The following SNX24 variants were observed in gnomAD, a reference collection of about 807,000 sequenced individuals.
The protein encoded by SNX24 is sorting nexin 24, also known as sorting nexin-24.
A neutral mutation model predicts 28.7 loss-of-function variants in SNX24; 22 were observed. The ratio of observed to expected loss-of-function variants is 0.77; its 90% CI spans 0.55 to 1.10. The LOEUF (loss-of-function observed/expected upper bound fraction) is 1.10, where lower values mean the gene tolerates loss of function less well. SNX24 is among the 50% of genes least tolerant of loss of function. SNX24 has a pLI of 0.00. For synonymous variants in SNX24, 69 were observed against 71.5 expected (o/e 0.96, Z 0.18); for missense variants, 221 against 201.1 (o/e 1.10, Z -0.60).
At chr5:123,023,951 A>G (rs1267172495) in intron 5 of SNX24, 1 of 1,614,124 alleles carries the variant, frequency 6.2e-7, no homozygotes, top group South Asian at 1.1e-5. Flanking sequence ...GCAGTTGGTG[A>G]GTGGACGGTC....
At chr5:122,977,546 G>A (rs1227193877) in intron 3 of SNX24, among the ~76,000 whole-genome samples, 8 of 152,188 alleles carry the variant, frequency 5.3e-5, no homozygotes, top group Admixed American at 5.2e-4. Flanking sequence ...AATCTAATAA[G>A]AGGCAAACAA....
At chr5:122,864,939 T>C (rs1209009766) in intron 1 of SNX24, among the ~76,000 whole-genome samples, 2 of 152,240 alleles carry the variant, frequency 1.3e-5, no homozygotes, top group Non-Finnish European at 2.9e-5. Flanking sequence ...AACTGTAGAC[T>C]AAGTTCCTCC....
At chr5:122,971,271 C>T (rs1309432527) in intron 3 of SNX24, among the ~76,000 whole-genome samples, 2 of 152,210 alleles carry the variant, frequency 1.3e-5, no homozygotes, top group African/African-American at 2.4e-5. Flanking sequence ...CTTCTGCCTG[C>T]TTTATCTTGG....
intron 1 of SNX24, among the ~76,000 whole-genome samples, chr5:122,897,390 A>T (rs548420683): frequency 3.9e-5 from 6 of 152,172 alleles, no homozygotes; most frequent in South Asian, 4.2e-4. Flanking sequence ...CTACCTTACT[A>T]CCTTATATGA....
rs1456375529 is a variant in SNX24, at chr5:122,911,946, G to A, written c.61-24788G>A. 7.6e-3 allele frequency among the ~76,000 whole-genome samples: 1,118 copies of A among 146,790 alleles called. 9 individuals are homozygous for A. The highest frequency in any genetic ancestry group is 0.027 in the African/African-American group (1,059 of 39,272). On this transcript the variant is annotated intron_variant, in intron 1 of 6. Coordinates refer to ENST00000261369, the MANE Select transcript of SNX24 (RefSeq NM_014035.4). ...TCTTTTGGCTTAGGATTGACTTGGCGATGCGGGCTCTTTTTTGGTTCCATA... is the reference window on the plus strand; with the variant it reads ...TCTTTTGGCTTAGGATTGACTTGGCAATGCGGGCTCTTTTTTGGTTCCATA...
intron 3 of SNX24, among the ~76,000 whole-genome samples, chr5:122,992,923 G>C (rs1470246362): frequency 6.6e-6 from 1 of 150,528 alleles, no homozygotes; most frequent in African/African-American, 2.4e-5. Context: ...TTTGTTCCCT[G>C]GTTAGTTTTT....
At chr5:122,884,893 A>G (rs1201316238) in intron 1 of SNX24, among the ~76,000 whole-genome samples, 1 of 152,202 alleles carries the variant, frequency 6.6e-6, no homozygotes, top group Non-Finnish European at 1.5e-5. Context: ...AAATGCCTCC[A>G]TTGTGGAAAA....
chr5:122,850,946 A>T (rs2150030473), intron 1 of SNX24, among the ~76,000 whole-genome samples: 1 of 152,232 alleles, frequency 6.6e-6, no homozygotes, highest in Admixed American at 6.5e-5. Context: ...AGGGTGGAAG[A>T]TGCTTTACAA....
chr5:122,912,189 C>A (rs1757920412), intron 1 of SNX24, among the ~76,000 whole-genome samples: 1 of 137,412 alleles, frequency 7.3e-6, no homozygotes, highest in African/African-American at 2.8e-5. Context: ...CCTTCACGTC[C>A]CTTGTAAGTT....
intron 1 of SNX24, among the ~76,000 whole-genome samples, chr5:122,853,459 C>T (rs1001383480): frequency 2.6e-5 from 4 of 152,052 alleles, no homozygotes; most frequent in African/African-American, 4.8e-5. Context: ...CAAGAAATAC[C>T]GTTTGAAAAC....
chr5:123,026,067 A>G (rs1246642753), intron 5 of SNX24: 5 of 1,047,816 alleles, frequency 4.8e-6, no homozygotes, highest in Non-Finnish European at 6.7e-6. Context: ...CTAGAACCCT[A>G]TAGGAGGTAG....
At chr5:122,852,701 C>A (rs1754979937) in intron 1 of SNX24, among the ~76,000 whole-genome samples, 1 of 152,120 alleles carries the variant, frequency 6.6e-6, no homozygotes, top group Non-Finnish European at 1.5e-5. Context: ...AGTCTCCCTT[C>A]AGTTTCTTTC....
intron 2 of SNX24, among the ~76,000 whole-genome samples, chr5:122,941,779 A>G (rs1194851274): frequency 6.6e-6 from 1 of 152,206 alleles, no homozygotes; most frequent in Non-Finnish European, 1.5e-5. Context: ...ATGAATTACT[A>G]GAGGATCAGT....
At chr5:122,900,003 G>A (rs1156837282) in intron 1 of SNX24, among the ~76,000 whole-genome samples, 1 of 152,006 alleles carries the variant, frequency 6.6e-6, no homozygotes, top group African/African-American at 2.4e-5. Flanking sequence ...TTTAAGATGT[G>A]CAATATGGTG....
rs1754587302 is a variant in SNX24, at chr5:122,845,701, C to T, written c.60+8C>T. 7.3e-7 allele frequency: 1 copy of T among 1,376,904 alleles called. No individual in the cohort carries two copies. Among genetic ancestry groups the T allele is most frequent in the Non-Finnish European group, 9.5e-7 (1 of 1,054,044 alleles). 85.3% of individuals were successfully genotyped at this position (1,376,904 alleles called of 1,614,324 possible). A position where few individuals can be genotyped will look rare whatever the true frequency, so the allele number is the denominator to read the frequency against. ...CTGGAGCGGGGATACACGGTAGGCG[C>T]GGGCCGCGGGCGGACAGGGCCCCGC... On this transcript the variant is annotated splice_region_variant and intron_variant, in intron 1 of 6. Coordinates refer to ENST00000261369, the MANE Select transcript of SNX24 (RefSeq NM_014035.4).
intron 1 of SNX24, among the ~76,000 whole-genome samples, chr5:122,884,255 T>TTC (rs1386593777): frequency 7.0e-5 from 10 of 141,878 alleles, no homozygotes; most frequent in Middle Eastern, 3.5e-3. Flanking sequence ...CTTTTTCTTT[T>TTC]TTTTTTTTTT....
chr5:122,989,160 G>A (rs1394140463), intron 3 of SNX24, among the ~76,000 whole-genome samples: 1 of 152,082 alleles, frequency 6.6e-6, no homozygotes, highest in Non-Finnish European at 1.5e-5. Context: ...GGGTTTATGT[G>A]TTCTACCATA....
chr5:122,864,020 C>T (rs1393909808), intron 1 of SNX24, among the ~76,000 whole-genome samples: 1 of 152,116 alleles, frequency 6.6e-6, no homozygotes, highest in Non-Finnish European at 1.5e-5. Flanking sequence ...TTCTAGATGC[C>T]AAGGACACAG....
At chr5:123,015,940 ATAAG>A (rs912377863) in intron 5 of SNX24, among the ~76,000 whole-genome samples, 1 of 152,148 alleles carries the variant, frequency 6.6e-6, no homozygotes, top group African/African-American at 2.4e-5. Context: ...ACTGGACAAA[ATAAG>A]TAAGGTATTT....
Sources: allele counts gnomAD v4.1 joint callset (sites outside exome capture counted in the v4.1 genomes callset), GRCh38; gene constraint gnomAD v4.1.1; transcripts MANE v1.5; gene names NCBI Gene and HGNC (gene_info 2026-07-23, HGNC 2026-07-21).